Variants in NSD1 observed in about 807,000 individuals in gnomAD.
NSD1 encodes the protein nuclear receptor binding SET domain protein 1.
A neutral mutation model predicts 242.7 loss-of-function variants in NSD1; 26 were observed. The observed-to-expected ratio is 0.11, with a 90% CI of 0.08 to 0.15. The LOEUF (loss-of-function observed/expected upper bound fraction) is 0.15, where lower values mean the gene tolerates loss of function less well. NSD1 is among the 10% of genes least tolerant of loss of function. The pLI is 1.00. For missense variants in NSD1, 2,495 were observed against 3,272.8 expected, an observed-to-expected ratio of 0.76 and a Z score of 5.80; for synonymous variants, 1,106 against 1,178.1, an observed-to-expected ratio of 0.94 and a Z score of 1.25.
rs150492535 is a variant in NSD1, at chr5:177,207,593, A to ATTTTTTTTTTTTTTT, written c.1237-2028_1237-2014dup. Among the ~76,000 whole-genome samples, 23 of 78,218 alleles carry ATTTTTTTTTTTTTTT rather than the reference A, an allele frequency of 2.9e-4. 2 individuals carry two copies. Among genetic ancestry groups the ATTTTTTTTTTTTTTT allele is most frequent in the African/African-American group, 1.6e-3 (23 of 14,182 alleles). The allele number at this position is 78,218 out of a possible 152,430, so 51.3% of individuals were successfully genotyped here. A position where few individuals can be genotyped will look rare whatever the true frequency, so the allele number is the denominator to read the frequency against. ...CACCGTGCCTGGCCTATTTATTTAA[A>ATTTTTTTTTTTTTTT]TTTTTTTTTTTTTTTTTTTTTTTTT... On this transcript the variant is annotated intron_variant, in intron 4 of 22. Transcript: ENST00000439151.
intron 2 of NSD1, among the ~76,000 whole-genome samples, chr5:177,160,312 GT>G (rs926283311): frequency 1.3e-5 from 2 of 151,140 alleles, no homozygotes; most frequent in Non-Finnish European, 3.0e-5. Context: ...CTTTTCTTTT[GT>G]TTTTTGTTTT....
intron 11 of NSD1, among the ~76,000 whole-genome samples, chr5:177,250,110 A>T (rs1368418805): frequency 6.6e-6 from 1 of 152,208 alleles, no homozygotes; most frequent in Non-Finnish European, 1.5e-5. Context: ...TAGATAAATA[A>T]GTTGAGATCT....
At position 177,295,559 on chromosome 5, in the gene NSD1, C is replaced by A; in HGVS notation, c.*100C>A. 1 of 1,203,172 alleles carries A rather than the reference C, an allele frequency of 8.3e-7. No individual in the cohort carries two copies. The highest frequency in any genetic ancestry group is 1.2e-6 in the Non-Finnish European group (1 of 831,358). 74.5% of individuals were successfully genotyped at this position (1,203,172 alleles called of 1,614,324 possible). ...TCCCCCTTAAAAAAAAACACATCTG[C>A]CCCGAACACTTTCCCACTGTTATTC... is the stretch of plus-strand genomic sequence containing the variant. On this transcript the variant is annotated 3_prime_UTR_variant, in exon 23 of 23. Transcript: ENST00000439151. The surrounding 1 kb of genome is among the most constrained non-coding windows in gnomAD (Gnocchi z 4.3).
chr5:177,222,554 C>G (rs1219278577), intron 5 of NSD1, among the ~76,000 whole-genome samples: 1 of 152,076 alleles, frequency 6.6e-6, no homozygotes, highest in Non-Finnish European at 1.5e-5. Flanking sequence ...GCAGTGGTAT[C>G]TCATTATGAT....
intron 9 of NSD1, among the ~76,000 whole-genome samples, chr5:177,245,603 A>G (rs1043409088): frequency 2.6e-5 from 4 of 151,852 alleles, no homozygotes; most frequent in African/African-American, 9.7e-5. Context: ...TTTAACAGAA[A>G]GTGCAGGAGG....
intron 7 of NSD1, among the ~76,000 whole-genome samples, chr5:177,239,535 C>T (rs1257826175): frequency 6.6e-6 from 1 of 152,242 alleles, no homozygotes; most frequent in African/African-American, 2.4e-5. Flanking sequence ...AGTCACCACA[C>T]ACACATCCCT....
intron 17 of NSD1, 53 bp from the exon 18 acceptor site, chr5:177,280,512 A>C: frequency 6.2e-7 from 1 of 1,613,170 alleles, no homozygotes; most frequent in South Asian, 1.1e-5. Context: ...TCAGGACGTG[A>C]ATTGTCTTCT....
chr5:177,167,780 C>T (rs553760592), intron 2 of NSD1, among the ~76,000 whole-genome samples: 3 of 152,240 alleles, frequency 2.0e-5, no homozygotes, highest in Admixed American at 6.6e-5. Flanking sequence ...CATAGTAAGT[C>T]GAGCATCTGC....
intron 2 of NSD1, among the ~76,000 whole-genome samples, chr5:177,153,135 G>A (rs912800216): frequency 6.6e-6 from 1 of 151,762 alleles, no homozygotes; most frequent in African/African-American, 2.4e-5. Flanking sequence ...GAAGATAATT[G>A]TTAGAGTTGT....
chr5:177,211,096 A>G lies in NSD1; in HGVS notation c.2697A>G (p.Ile899Met). 1 of 1,614,184 alleles carries G rather than the reference A, an allele frequency of 6.2e-7. No homozygotes were observed. Among genetic ancestry groups the G allele is most frequent in the Non-Finnish European group, 8.5e-7 (1 of 1,180,034 alleles). ...LFSSASSQNH[I>M]PIEPDYKFST... ...CTTCTGCTTCTAGTCAGAATCACAT[A>G]CCTATTGAACCAGACTACAAATTCA... Residue 899 changes from isoleucine to methionine, a missense_variant, in exon 5 of 23, where the codon ATA becomes ATG. This residue lies in a region of NSD1 where 121 missense variants were observed against 167.2 expected (regional missense o/e 0.72). Transcript: ENST00000439151.
intron 2 of NSD1, among the ~76,000 whole-genome samples, chr5:177,161,611 AT>A (rs1004582202): frequency 7.6e-4 from 112 of 147,186 alleles, no homozygotes; most frequent in African/African-American, 2.6e-3. Context: ...TTGAAATTAT[AT>A]TTTTTTTACC....
At chr5:177,201,854 T>A (rs1489019198) in intron 3 of NSD1, among the ~76,000 whole-genome samples, 1 of 150,768 alleles carries the variant, frequency 6.6e-6, no homozygotes, top group Admixed American at 6.6e-5. Context: ...CCATCCCACC[T>A]GGCCAAACTG....
At chr5:177,282,639 A>G in intron 19 of NSD1, 58 bp downstream of exon 19, 1 of 1,267,048 alleles carries the variant, frequency 7.9e-7, no homozygotes, top group Middle Eastern at 1.9e-4. Context: ...GTGTTGTCCC[A>G]GCCATAGTAT....
At chr5:177,137,913 G>A (rs1266032247) in intron 2 of NSD1, among the ~76,000 whole-genome samples, 6 of 151,812 alleles carry the variant, frequency 4.0e-5, no homozygotes, top group South Asian at 2.1e-4. Context: ...GTGAAACTCC[G>A]TCTCTACAAA....
At chr5:177,240,782 G>C (rs546830825) in intron 8 of NSD1, among the ~76,000 whole-genome samples, 4 of 152,288 alleles carry the variant, frequency 2.6e-5, no homozygotes, top group Non-Finnish European at 2.9e-5. Context: ...CGAGGCAGTA[G>C]GATTGCTTAA....
intron 5 of NSD1, among the ~76,000 whole-genome samples, chr5:177,223,932 G>T (rs1049408196): frequency 2.6e-5 from 4 of 152,214 alleles, no homozygotes; most frequent in Non-Finnish European, 4.4e-5. Flanking sequence ...GTTACAATGA[G>T]CTGAGATCAT....
intron 5 of NSD1, among the ~76,000 whole-genome samples, chr5:177,219,346 C>T (rs1349947534): frequency 1.3e-5 from 2 of 151,936 alleles, no homozygotes; most frequent in African/African-American, 2.4e-5. Flanking sequence ...CCACCACGCC[C>T]GGCTAATTTT....
At chr5:177,185,759 T>C (rs1761075576) in intron 2 of NSD1, among the ~76,000 whole-genome samples, 1 of 86,154 alleles carries the variant, frequency 1.2e-5, no homozygotes, top group Non-Finnish European at 2.0e-5. Context: ...ATATAATATA[T>C]TTTATATATT....
In NSD1 at chr5:177,211,234, T is replaced by C. The variant is rs145987330; in HGVS notation, c.2835T>C (p.Ser945=). The C allele has an allele frequency of 1.2e-3, 1,937 of 1,614,018 alleles. 20 individuals are homozygous for C. The highest frequency in any genetic ancestry group is 3.6e-3 in the Middle Eastern group (22 of 6,062). ...SYRSPGRGDC[S]TNSPVGVSKV... ...GGAGTCCTGGTCGTGGGGACTGTTCTACTAATAGTCCTGTAGGAGTCTCTA... is the reference window on the plus strand; with the variant it reads ...GGAGTCCTGGTCGTGGGGACTGTTCCACTAATAGTCCTGTAGGAGTCTCTA... Residue 945 remains serine (S), a synonymous_variant, in exon 5 of 23, where the codon TCT becomes TCC. Coordinates refer to ENST00000439151, the MANE Select transcript of NSD1 (RefSeq NM_022455.5).
Sources: allele counts gnomAD v4.1 joint callset (sites outside exome capture counted in the v4.1 genomes callset), GRCh38; gene constraint gnomAD v4.1.1; regional missense constraint gnomAD v4.1.1; non-coding constraint Gnocchi (gnomAD v3.1); transcripts MANE v1.5; gene names NCBI Gene and HGNC (gene_info 2026-07-23, HGNC 2026-07-21).